Variants in PLCD4 observed in about 807,000 individuals in gnomAD.
PLCD4 encodes the protein 1-phosphatidylinositol 4,5-bisphosphate phosphodiesterase delta-4.
In PLCD4, 63 loss-of-function variants were observed where a neutral mutation model predicts 90.2. The observed-to-expected ratio is 0.70, with a 90% CI of 0.57 to 0.86. The LOEUF is 0.86. Ranked by LOEUF, PLCD4 falls within the 40% of genes least tolerant of loss-of-function variation. PLCD4 has a pLI of 0.00. For missense variants in PLCD4, 830 were observed against 956.3 expected (o/e 0.87, Z 1.74); for synonymous variants, 294 against 356.5 (o/e 0.82, Z 1.97).
At chr2:218,616,804 C>T (rs1036866920) in intron 3 of PLCD4, among the ~76,000 whole-genome samples, 1 of 146,880 alleles carries the variant, frequency 6.8e-6, no homozygotes, top group Non-Finnish European at 1.5e-5. Flanking sequence ...ACAGTACCTG[C>T]TTAGTAGGCT....
intron 3 of PLCD4, among the ~76,000 whole-genome samples, chr2:218,617,445 C>T (rs532035166): frequency 6.0e-5 from 9 of 150,864 alleles, no homozygotes; most frequent in East Asian, 4.1e-4. Context: ...GGCTTGGTGG[C>T]GCGCACCTGT....
Position 218,636,668 on chromosome 2 carries a change from A to G in PLCD4, c.*91A>G. ...CTCGAGAGAACAAATGGAGGTGGTG[A>G]AAATCAAGCTTTGGATTGTGCATTC... On this transcript the variant is annotated 3_prime_UTR_variant, in exon 16 of 16. Transcript: ENST00000450993. 1 of 1,364,780 alleles carries G rather than the reference A, an allele frequency of 7.3e-7. No individual in the cohort carries two copies. Among genetic ancestry groups the G allele is most frequent in the African/African-American group, 1.4e-5 (1 of 69,640 alleles). 84.5% of individuals were successfully genotyped at this position (1,364,780 alleles called of 1,614,324 possible).
In PLCD4 at chr2:218,612,394, C is replaced by A. The variant is rs985806908; in HGVS notation, c.-33-3313C>A. On this transcript the variant is annotated intron_variant, in intron 1 of 15. Coordinates refer to ENST00000450993, the MANE Select transcript of PLCD4 (RefSeq NM_032726.4). ...CACATTCAGCATAAGCCAGCAAAAT[C>A]TTTTCTTCCTGAAATTGTTTCCTGA... Among the ~76,000 whole-genome samples the A allele has an allele frequency of 2.6e-5, 4 of 152,226 alleles. No individual in the cohort carries two copies. In the East Asian group the frequency reaches 5.8e-4, roughly 22 times the overall value.
At chr2:218,618,842 G>GA (rs1445190458) in intron 4 of PLCD4, 35 bp downstream of exon 4, 1 of 1,542,572 alleles carries the variant, frequency 6.5e-7, no homozygotes, top group Non-Finnish European at 8.8e-7. Flanking sequence ...GGGGGTGAGG[G>GA]ATCACGCTAT....
chr2:218,625,807 A>C (rs889117793), intron 6 of PLCD4, among the ~76,000 whole-genome samples: 1 of 152,008 alleles, frequency 6.6e-6, no homozygotes, highest in African/African-American at 2.4e-5. Flanking sequence ...GGTGGCGGGC[A>C]CCTGTAATTT....
chr2:218,622,548 C>A, intron 5 of PLCD4, 99 bp from the exon 6 acceptor site: 2 of 683,156 alleles, frequency 2.9e-6, no homozygotes, highest in Non-Finnish European at 2.4e-6. Context: ...TATACACCTA[C>A]TATGTACCCA....
intron 1 of PLCD4, among the ~76,000 whole-genome samples, chr2:218,610,162 G>T (rs964475263): frequency 1.3e-5 from 2 of 151,890 alleles, no homozygotes; most frequent in Admixed American, 6.6e-5. Flanking sequence ...AGTGAACTGG[G>T]AAGAAAGGAA....
chr2:218,617,295 G>A (rs116689489), intron 3 of PLCD4, among the ~76,000 whole-genome samples: 4,113 of 150,330 alleles, frequency 0.027, 179 homozygotes, highest in African/African-American at 0.094. Flanking sequence ...CAAAAAATGC[G>A]GCTGGGTGTG....
rs1559273357 is a variant in PLCD4 at position 218,629,496 on chromosome 2, CGGT to C, written c.975-20_975-18del. ...TCAGATATTGACCTCTCCTATTTCT[CGGT>C]GGGGATGGGGTTCTTTCAGGGCCCT... is the stretch of plus-strand genomic sequence containing the variant. On this transcript the variant is annotated intron_variant, in intron 7 of 15. Transcript: ENST00000450993. 3 of 1,610,552 alleles carry C rather than the reference CGGT, an allele frequency of 1.9e-6. No individual in the cohort carries two copies. The highest frequency in any genetic ancestry group is 1.3e-5 in the African/African-American group (1 of 74,864).
chr2:218,632,864 G>A (rs1206481436), intron 10 of PLCD4, among the ~76,000 whole-genome samples: 4 of 152,144 alleles, frequency 2.6e-5, no homozygotes, highest in African/African-American at 4.8e-5. Flanking sequence ...GGTGGGGAAC[G>A]TGAAGGCTCT....
In PLCD4 at chr2:218,636,597, G is replaced by A. The variant is rs551067018; in HGVS notation, c.*20G>A. On this transcript the variant is annotated 3_prime_UTR_variant, in exon 16 of 16. Transcript: ENST00000450993. ...TCCTGAGGTGGGCATTTCACGGGAA[G>A]GGTTGGTGTGCTGGCTTTAGACGGG... 21 of 1,609,372 alleles carry A rather than the reference G, an allele frequency of 1.3e-5. No homozygotes were observed. Among genetic ancestry groups the A allele is most frequent in the South Asian group, 2.2e-5 (2 of 90,840 alleles).
chr2:218,618,463 G>A, intron 3 of PLCD4, 116 bp from the exon 4 acceptor site: 2 of 860,110 alleles, frequency 2.3e-6, no homozygotes, highest in Non-Finnish European at 3.7e-6. Context: ...AGCCTGCAGA[G>A]GCTGGGGTTC....
At chr2:218,624,591 C>A (rs56142536) in intron 6 of PLCD4, among the ~76,000 whole-genome samples, 1 of 151,664 alleles carries the variant, frequency 6.6e-6, no homozygotes, top group Non-Finnish European at 1.5e-5. Flanking sequence ...TGGTGGTGCA[C>A]GCTTGTAATT....
At chr2:218,628,318 C>T in intron 7 of PLCD4, 88 bp downstream of exon 7, 1 of 1,364,512 alleles carries the variant, frequency 7.3e-7, no homozygotes, top group Admixed American at 1.7e-5. Context: ...CAGATTGGGA[C>T]AGTGTTGTGG....
rs1373111026 is a variant in PLCD4 at position 218,621,454 on chromosome 2, C to T, written c.411-16C>T. 6.2e-7 allele frequency: 1 copy of T among 1,613,560 alleles called. No individual in the cohort carries two copies. The highest frequency in any genetic ancestry group is 1.3e-5 in the African/African-American group (1 of 74,928). On this transcript the variant is annotated splice_polypyrimidine_tract_variant and intron_variant, in intron 4 of 15. Coordinates refer to ENST00000450993, the MANE Select transcript of PLCD4 (RefSeq NM_032726.4). ...CAAACAGATACATTAGTGCTTTTGCCTTGACTCATACCTGGATGGCTGAGC... is the reference window on the plus strand; with the variant it reads ...CAAACAGATACATTAGTGCTTTTGCTTTGACTCATACCTGGATGGCTGAGC...
rs1197745259 is a variant in PLCD4 at position 218,618,713 on chromosome 2, G to A, written c.316G>A (p.Ala106Thr). ...HGRRSNLDLM[A>T]NSVEEAQIWM... is the part of the protein sequence containing the mutation. ...CCGCCGCTCCAACCTGGACCTGATG[G>A]CCAACAGTGTTGAGGAGGCCCAGAT... Residue 106 changes from alanine (A) to threonine (T), a missense_variant, in exon 4 of 16, where the codon GCC becomes ACC. Physicochemically the swap from Ala to Thr is moderately conservative, Grantham distance 58 (BLOSUM62 0). Coordinates refer to ENST00000450993, the MANE Select transcript of PLCD4 (RefSeq NM_032726.4). 6.2e-7 allele frequency: 1 copy of A among 1,613,374 alleles called. No individual in the cohort carries two copies. The highest frequency in any genetic ancestry group is 8.5e-7 in the Non-Finnish European group (1 of 1,179,726).
At chr2:218,628,428 T>C (rs541942958) in intron 7 of PLCD4, 198 bp downstream of exon 7, 1 of 531,620 alleles carries the variant, frequency 1.9e-6, no homozygotes, top group Admixed American at 3.1e-5. Flanking sequence ...TCAATGGAAC[T>C]TCTCTTTCAC....
chr2:218,615,113 A>G (rs1445436387), intron 1 of PLCD4, among the ~76,000 whole-genome samples: 1 of 152,158 alleles, frequency 6.6e-6, no homozygotes, highest in East Asian at 1.9e-4. Context: ...CTGTAGTCCC[A>G]GCTACTCGGG....
At chr2:218,635,703 ACCAAAAAGCTTCTTCTC>A in intron 13 of PLCD4, 76 bp from the exon 14 acceptor site, 1 of 1,474,182 alleles carries the variant, frequency 6.8e-7, no homozygotes, top group Non-Finnish European at 9.0e-7. Flanking sequence ...TGTTTTACAA[ACCAAAAAGCTTCTTCTC>A]CCCTGGGGTT....
Sources: allele counts gnomAD v4.1 joint callset (sites outside exome capture counted in the v4.1 genomes callset), GRCh38; gene constraint gnomAD v4.1.1; transcripts MANE v1.5; gene names NCBI Gene and HGNC (gene_info 2026-07-23, HGNC 2026-07-21).